The following ALDH1A2 variants were observed in gnomAD, a reference collection of about 807,000 sequenced individuals.
ALDH1A2 encodes retinal dehydrogenase 2.
In ALDH1A2, 27 loss-of-function variants were observed where a neutral mutation model predicts 60.3. The observed-to-expected ratio is 0.45, with a 90% CI of 0.33 to 0.62. The LOEUF (loss-of-function observed/expected upper bound fraction) is 0.62, where lower values mean the gene tolerates loss of function less well. Ranked by LOEUF, ALDH1A2 falls within the 20% of genes least tolerant of loss-of-function variation. The probability of loss-of-function intolerance (pLI) is 0.02; values close to 1 mark genes in which losing one functional copy is unlikely to be tolerated. For synonymous variants in ALDH1A2, 289 were observed against 232.4 expected (o/e 1.24, Z -2.21); for missense variants, 581 against 643.8 (o/e 0.90, Z 1.06).
intron 1 of ALDH1A2, among the ~76,000 whole-genome samples, chr15:58,015,292 C>T (rs1318391819): frequency 6.6e-6 from 1 of 152,154 alleles, no homozygotes; most frequent in African/African-American, 2.4e-5. Context: ...TATAAATCTA[C>T]ACTTGGTAAA....
At chr15:58,019,746 T>C (rs1202894360) in intron 1 of ALDH1A2, among the ~76,000 whole-genome samples, 1 of 152,186 alleles carries the variant, frequency 6.6e-6, no homozygotes, top group Non-Finnish European at 1.5e-5. Context: ...GACAGAATGA[T>C]AGGCACTTAG....
At chr15:58,021,383 G>A (rs1052820637) in intron 1 of ALDH1A2, among the ~76,000 whole-genome samples, 8 of 152,014 alleles carry the variant, frequency 5.3e-5, no homozygotes, top group African/African-American at 1.9e-4. Context: ...AAAAGAGGTT[G>A]CCTCTTGCAT....
intron 1 of ALDH1A2, among the ~76,000 whole-genome samples, chr15:58,017,432 A>C (rs1354173825): frequency 6.6e-6 from 1 of 152,190 alleles, no homozygotes; most frequent in Non-Finnish European, 1.5e-5. Flanking sequence ...AAAAGTAAAA[A>C]TGAAAATATT....
chr15:57,973,639 C>A (rs1217355493), intron 7 of ALDH1A2, among the ~76,000 whole-genome samples: 2 of 152,230 alleles, frequency 1.3e-5, no homozygotes, highest in African/African-American at 4.8e-5. Context: ...CCATCCACCA[C>A]TACTAATATG....
intron 1 of ALDH1A2, among the ~76,000 whole-genome samples, chr15:58,055,024 G>C (rs1345352772): frequency 6.6e-6 from 1 of 152,078 alleles, no homozygotes; most frequent in African/African-American, 2.4e-5. Context: ...TATGGGATTT[G>C]TAGTTGAGGA....
intron 7 of ALDH1A2, 23 bp downstream of exon 7, chr15:57,992,682 G>A: frequency 1.2e-6 from 2 of 1,602,646 alleles, no homozygotes; most frequent in Admixed American, 3.3e-5. Context: ...TGTTCCTCAA[G>A]CCCTGGTTTT....
intron 1 of ALDH1A2, among the ~76,000 whole-genome samples, chr15:58,063,465 A>T (rs145918271): frequency 1.6e-4 from 25 of 152,216 alleles, no homozygotes; most frequent in African/African-American, 5.8e-4. Context: ...GTTTGTTTTT[A>T]AAAAACTCAC....
intron 12 of ALDH1A2, among the ~76,000 whole-genome samples, chr15:57,958,102 C>T (rs1224714224): frequency 1.3e-5 from 2 of 152,150 alleles, no homozygotes; most frequent in Non-Finnish European, 1.5e-5. Context: ...TGGGTCCTAT[C>T]GCAGATCAAC....
chr15:57,993,215 A>G (rs1275431899), intron 5 of ALDH1A2, 142 bp from the exon 6 acceptor site: 1 of 1,028,696 alleles, frequency 9.7e-7, no homozygotes, highest in Non-Finnish European at 1.4e-6. Flanking sequence ...TGGATTTTCA[A>G]TTACTTCATT....
chr15:57,966,469 A>T (rs1475543124), intron 7 of ALDH1A2, among the ~76,000 whole-genome samples: 10 of 152,230 alleles, frequency 6.6e-5, no homozygotes, highest in Admixed American at 6.5e-4. Flanking sequence ...AATGAAAATG[A>T]AAGTGTCATA....
At chr15:57,965,218 A>AC (rs1215475565) in intron 8 of ALDH1A2, among the ~76,000 whole-genome samples, 21 of 152,092 alleles carry the variant, frequency 1.4e-4, no homozygotes, top group Admixed American at 6.5e-5. Flanking sequence ...TACCGAACTG[A>AC]CCCACGTGTG....
At chr15:57,971,749 A>G (rs1281553687) in intron 7 of ALDH1A2, among the ~76,000 whole-genome samples, 3 of 152,110 alleles carry the variant, frequency 2.0e-5, no homozygotes, top group Non-Finnish European at 2.9e-5. Context: ...TGTTAAGTCA[A>G]TAAGCCAGAA....
chr15:57,979,293 T>A (rs77305019), intron 7 of ALDH1A2, among the ~76,000 whole-genome samples: 15 of 151,820 alleles, frequency 9.9e-5, no homozygotes, highest in African/African-American at 2.9e-4. Flanking sequence ...GAAAAAAAAA[T>A]GTATTTTTCT....
At chr15:58,035,544 A>T (rs1394053783) in intron 1 of ALDH1A2, among the ~76,000 whole-genome samples, 1 of 151,628 alleles carries the variant, frequency 6.6e-6, no homozygotes, top group Non-Finnish European at 1.5e-5. Context: ...TTTTAAATAT[A>T]TGCATTCAGT....
chr15:58,024,265 A>G (rs1896013479), intron 1 of ALDH1A2, among the ~76,000 whole-genome samples: 1 of 152,212 alleles, frequency 6.6e-6, no homozygotes, highest in Admixed American at 6.5e-5. Flanking sequence ...AAACAACCAG[A>G]AAAGAGATAT....
At chr15:58,036,881 T>C (rs1896390076) in intron 1 of ALDH1A2, among the ~76,000 whole-genome samples, 1 of 151,538 alleles carries the variant, frequency 6.6e-6, no homozygotes, top group African/African-American at 2.4e-5. Context: ...TAAGAAATAA[T>C]TAGGAAGTAT....
chr15:57,957,025 C>G (rs1352365870), intron 12 of ALDH1A2, among the ~76,000 whole-genome samples: 1 of 152,204 alleles, frequency 6.6e-6, no homozygotes, highest in Non-Finnish European at 1.5e-5. Flanking sequence ...GAGCAGTGAT[C>G]TGTGCACGGG....
intron 1 of ALDH1A2, among the ~76,000 whole-genome samples, chr15:58,025,139 G>A (rs7495284): frequency 0.061 from 9,211 of 151,872 alleles, 313 homozygotes; most frequent in East Asian, 0.12. Flanking sequence ...AGAAAAACGC[G>A]AAGAAACCAA....
At chr15:57,968,634 A>G (rs1475280304) in intron 7 of ALDH1A2, among the ~76,000 whole-genome samples, 1 of 152,224 alleles carries the variant, frequency 6.6e-6, no homozygotes, top group Admixed American at 6.5e-5. Context: ...CAGTTACAAA[A>G]CTTAGATTCT....
Sources: allele counts gnomAD v4.1 joint callset (sites outside exome capture counted in the v4.1 genomes callset), GRCh38; gene constraint gnomAD v4.1.1; transcripts MANE v1.5; gene names NCBI Gene and HGNC (gene_info 2026-07-23, HGNC 2026-07-21).